Variants in LRRC72 observed in about 807,000 individuals in gnomAD.
LRRC72 encodes the protein leucine rich repeat containing 72.
A neutral mutation model predicts 35.8 loss-of-function variants in LRRC72; 41 were observed. That is an observed-to-expected ratio of 1.15 (90% CI 0.89 to 1.49). The LOEUF (loss-of-function observed/expected upper bound fraction) is 1.49, where lower values mean the gene tolerates loss of function less well. Among genes scored for constraint, LRRC72 ranks in the 40% most tolerant of loss-of-function variants. The pLI is 0.00. For missense variants in LRRC72, 389 were observed against 330.7 expected, an observed-to-expected ratio of 1.18 and a Z score of -1.37; for synonymous variants, 118 against 119.2, an observed-to-expected ratio of 0.99 and a Z score of 0.07.
intron 3 of LRRC72, among the ~76,000 whole-genome samples, chr7:16,548,034 C>T (rs1051861310): frequency 2.6e-5 from 4 of 152,184 alleles, no homozygotes; most frequent in African/African-American, 9.7e-5. Flanking sequence ...CACTTCCTCC[C>T]CTCTAAGGCC....
intron 3 of LRRC72, among the ~76,000 whole-genome samples, chr7:16,555,451 T>C (rs912577264): frequency 2.6e-5 from 4 of 152,200 alleles, no homozygotes; most frequent in African/African-American, 9.7e-5. Context: ...TGTTCATCAA[T>C]GAGCAAAATA....
Position 16,527,005 on chromosome 7 carries a change from G to A in LRRC72, c.53G>A (p.Arg18Gln), listed in dbSNP as rs762384982. The A allele has an allele frequency of 1.3e-6, 2 of 1,539,774 alleles. No homozygotes were observed. Among genetic ancestry groups the A allele is most frequent in the East Asian group, 2.4e-5 (1 of 40,894 alleles). ...CGTACCTTGCGATGCTGGCGCCTAC[G>A]GAGGGCATCCGAAACTGCCCTACAG... ...VPRTLRCWRLRRASETALQSS... is the reference protein window; with the variant it reads ...VPRTLRCWRLQRASETALQSS... Residue 18 changes from arginine (R) to glutamine (Q), a missense_variant, in exon 1 of 9, where the codon CGG becomes CAG. By Grantham distance (43) the Arg-to-Gln change is conservative. Coordinates refer to ENST00000401542, the MANE Select transcript of LRRC72 (RefSeq NM_001195280.2).
At chr7:16,557,325 T>C (rs1782666990) in intron 3 of LRRC72, 35 bp from the exon 4 acceptor site, 1 of 707,954 alleles carries the variant, frequency 1.4e-6, no homozygotes, top group Non-Finnish European at 2.1e-6. Flanking sequence ...ACAGTTATTA[T>C]AGAAAGTATA....
At chr7:16,561,278 T>A (rs958076629) in intron 5 of LRRC72, among the ~76,000 whole-genome samples, 3 of 152,208 alleles carry the variant, frequency 2.0e-5, no homozygotes, top group African/African-American at 7.2e-5. Flanking sequence ...ATGATTTAAT[T>A]TGCTACTTTA....
At chr7:16,563,500 C>A (rs1261360870) in intron 5 of LRRC72, among the ~76,000 whole-genome samples, 1 of 152,120 alleles carries the variant, frequency 6.6e-6, no homozygotes, top group East Asian at 1.9e-4. Flanking sequence ...ATAGTATTAA[C>A]CTATTGAAAG....
chr7:16,567,941 A>G (rs1280576172), intron 7 of LRRC72, among the ~76,000 whole-genome samples: 1 of 152,186 alleles, frequency 6.6e-6, no homozygotes. Flanking sequence ...AGAAATAAAG[A>G]TCATCTGCAA....
intron 5 of LRRC72, among the ~76,000 whole-genome samples, chr7:16,565,378 A>T (rs1289234371): frequency 6.6e-6 from 1 of 151,852 alleles, no homozygotes; most frequent in Admixed American, 6.6e-5. Context: ...GGTTGCAGTG[A>T]GCAAGATCAT....
chr7:16,556,088 G>A (rs966073369), intron 3 of LRRC72, among the ~76,000 whole-genome samples: 18 of 151,102 alleles, frequency 1.2e-4, no homozygotes, highest in Admixed American at 2.6e-4. Flanking sequence ...AAAAATAGGC[G>A]TTCTCCTTAC....
At chr7:16,577,677 T>C (rs1340600186) in intron 7 of LRRC72, among the ~76,000 whole-genome samples, 1 of 152,118 alleles carries the variant, frequency 6.6e-6, no homozygotes, top group African/African-American at 2.4e-5. Flanking sequence ...TAGGCAGAAG[T>C]TAACACTCAT....
chr7:16,546,570 C>G (rs1237587005), intron 3 of LRRC72, among the ~76,000 whole-genome samples: 1 of 152,072 alleles, frequency 6.6e-6, no homozygotes, highest in African/African-American at 2.4e-5. Context: ...CATGTCACTC[C>G]TCTGCTCAAA....
intron 3 of LRRC72, among the ~76,000 whole-genome samples, chr7:16,554,818 A>T (rs573233109): frequency 6.6e-6 from 1 of 152,302 alleles, no homozygotes; most frequent in South Asian, 2.1e-4. Flanking sequence ...TCAAACTGTC[A>T]GGTTTGTTAG....
chr7:16,570,868 G>C (rs1331936565), intron 7 of LRRC72, among the ~76,000 whole-genome samples: 1 of 151,810 alleles, frequency 6.6e-6, no homozygotes, highest in Non-Finnish European at 1.5e-5. Context: ...TTCCAAAAAG[G>C]TTTCTACAGT....
chr7:16,542,085 G>A (rs1301030222), intron 3 of LRRC72, among the ~76,000 whole-genome samples: 1 of 152,208 alleles, frequency 6.6e-6, no homozygotes, highest in Non-Finnish European at 1.5e-5. Context: ...GTTCAGTGGT[G>A]TCCAGTTTGG....
chr7:16,554,048 G>A (rs1405017033), intron 3 of LRRC72, among the ~76,000 whole-genome samples: 1 of 152,122 alleles, frequency 6.6e-6, no homozygotes, highest in Non-Finnish European at 1.5e-5. Flanking sequence ...ACATTTTACG[G>A]CCAGGTGCGG....
chr7:16,537,556 A>C (rs1158391983), intron 2 of LRRC72, 71 bp from the exon 3 acceptor site: 10 of 888,640 alleles, frequency 1.1e-5, no homozygotes, highest in Non-Finnish European at 3.4e-6. Flanking sequence ...AAGCCATACT[A>C]ACTACATGCC....
At chr7:16,537,549 C>G (rs1782277672) in intron 2 of LRRC72, 78 bp from the exon 3 acceptor site, 3 of 752,004 alleles carry the variant, frequency 4.0e-6, no homozygotes, top group African/African-American at 1.8e-5. Context: ...TACTACGAAG[C>G]CATACTAACT....
Position 16,581,327 on chromosome 7 carries a change from T to C in LRRC72, c.702T>C (p.Thr234=). 6.8e-7 allele frequency: 1 copy of C among 1,474,174 alleles called. No individual in the cohort carries two copies. The highest frequency in any genetic ancestry group is 9.0e-7 in the Non-Finnish European group (1 of 1,108,272). 91.3% of individuals were successfully genotyped at this position (1,474,174 alleles called of 1,614,324 possible). A position where few individuals can be genotyped will look rare whatever the true frequency, so the allele number is the denominator to read the frequency against. ...DFAFANNVDK[T]VLDDPEDAVF... is the part of the protein sequence containing the mutation. ...CATAATTGCTTTTTTTTTGCAGAAC[T>C]GTGCTTGATGACCCAGAAGATGCTG... The change falls in exon 9 of 9, where the codon ACT becomes ACC. Residue 234 remains threonine, a synonymous_variant. Coordinates refer to ENST00000401542, the MANE Select transcript of LRRC72 (RefSeq NM_001195280.2).
At chr7:16,569,329 G>C (rs1212731667) in intron 7 of LRRC72, among the ~76,000 whole-genome samples, 1 of 152,104 alleles carries the variant, frequency 6.6e-6, no homozygotes, top group East Asian at 1.9e-4. Flanking sequence ...AGGAAGCTGA[G>C]GCAGGAGAAT....
intron 3 of LRRC72, among the ~76,000 whole-genome samples, chr7:16,547,838 C>A (rs1440155014): frequency 1.3e-5 from 2 of 152,236 alleles, no homozygotes; most frequent in African/African-American, 4.8e-5. Context: ...ACCTCAGCTC[C>A]ATGAACAGCG....
Sources: gnomAD v4.1 joint callset for allele counts (sites outside exome capture counted in the v4.1 genomes callset) on GRCh38, gnomAD v4.1.1 for gene constraint, MANE v1.5 for transcripts, NCBI Gene and HGNC (gene_info 2026-07-23, HGNC 2026-07-21) for gene names.